Variants in ZPLD1 observed in about 807,000 individuals in gnomAD.
ZPLD1 encodes zona pellucida like domain containing 1.
Under a neutral mutation model 47.2 loss-of-function variants are expected in ZPLD1, and 34 were observed. That is an observed-to-expected ratio of 0.72 (90% CI 0.55 to 0.96). The LOEUF (loss-of-function observed/expected upper bound fraction) is 0.96, where lower values mean the gene tolerates loss of function less well. ZPLD1 is among the 40% of genes least tolerant of loss of function. The pLI is 0.00. For missense variants in ZPLD1, 512 were observed against 505.8 expected (o/e 1.01, Z -0.12); for synonymous variants, 176 against 186.2 (o/e 0.95, Z 0.45).
At chr3:102,405,500 T>C (rs567561034) in intron 7 of ZPLD1, among the ~76,000 whole-genome samples, 36 of 152,110 alleles carry the variant, frequency 2.4e-4, no homozygotes, top group African/African-American at 8.4e-4. Context: ...CTTGAGGTCA[T>C]GTGGTATAAG....
intron 7 of ZPLD1, chr3:102,418,038 T>G (rs1706830069): frequency 6.6e-6 from 1 of 152,188 alleles, no homozygotes. Flanking sequence ...AATTCAGTTT[T>G]TTCTTTCTTT....
At chr3:102,469,562 A>G (rs1271858417) in intron 9 of ZPLD1, among the ~76,000 whole-genome samples, 1 of 152,230 alleles carries the variant, frequency 6.6e-6, no homozygotes, top group Non-Finnish European at 1.5e-5. Flanking sequence ...CAGAGAACCA[A>G]AATCAAGAGT....
intron 3 of ZPLD1, among the ~76,000 whole-genome samples, chr3:102,439,404 G>A (rs1707141390): frequency 6.6e-6 from 1 of 152,174 alleles, no homozygotes; most frequent in Non-Finnish European, 1.5e-5. Context: ...TTCTACAACA[G>A]AGCCCACATC....
intron 7 of ZPLD1, among the ~76,000 whole-genome samples, chr3:102,401,321 C>T (rs929342003): frequency 6.6e-6 from 1 of 152,052 alleles, no homozygotes; most frequent in Non-Finnish European, 1.5e-5. Flanking sequence ...TAGATGCAGT[C>T]CTTACTGATA....
chr3:102,435,937 T>C (rs1707084752), intron 1 of ZPLD1, among the ~76,000 whole-genome samples: 1 of 152,236 alleles, frequency 6.6e-6, no homozygotes. Context: ...CCACCACGCC[T>C]GGCCATTATC....
At chr3:102,398,869 C>T (rs529062024) in intron 7 of ZPLD1, among the ~76,000 whole-genome samples, 8 of 147,226 alleles carry the variant, frequency 5.4e-5, no homozygotes, top group East Asian at 1.9e-4. Flanking sequence ...TGCTTTTATG[C>T]GTGCGCACGC....
At chr3:102,427,478 A>G (rs879856114) in intron 8 of ZPLD1, among the ~76,000 whole-genome samples, 2 of 152,188 alleles carry the variant, frequency 1.3e-5, no homozygotes, top group African/African-American at 4.8e-5. Context: ...AAGACAATGG[A>G]AGATCTCTAA....
At chr3:102,447,070 CT>C (rs1553711846) in intron 3 of ZPLD1, among the ~76,000 whole-genome samples, 4 of 151,326 alleles carry the variant, frequency 2.6e-5, no homozygotes, top group African/African-American at 7.3e-5. Context: ...TGCATCTCAT[CT>C]TTTTTTTTCC....
At chr3:102,444,427 A>G (rs1461300346) in intron 3 of ZPLD1, among the ~76,000 whole-genome samples, 1 of 152,228 alleles carries the variant, frequency 6.6e-6, no homozygotes, top group Non-Finnish European at 1.5e-5. Flanking sequence ...TTTCGTGTAG[A>G]TGAAATATCA....
At chr3:102,416,332 T>G (rs1045306241) in intron 7 of ZPLD1, among the ~76,000 whole-genome samples, 5 of 151,978 alleles carry the variant, frequency 3.3e-5, no homozygotes, top group Non-Finnish European at 7.4e-5. Flanking sequence ...GTATTCAATA[T>G]TTATGAAATG....
intron 5 of ZPLD1, among the ~76,000 whole-genome samples, chr3:102,457,013 C>A (rs1707427565): frequency 6.6e-6 from 1 of 152,290 alleles, no homozygotes; most frequent in Admixed American, 6.5e-5. Context: ...GAGGGCTATG[C>A]CCACATTAAA....
chr3:102,387,146 T>G (rs1706433083), intron 6 of ZPLD1, among the ~76,000 whole-genome samples: 1 of 152,196 alleles, frequency 6.6e-6, no homozygotes. Flanking sequence ...AACTGTGAGC[T>G]GGGTCTCTTG....
chr3:102,444,048 T>A (rs928708788), intron 3 of ZPLD1, among the ~76,000 whole-genome samples: 1 of 152,254 alleles, frequency 6.6e-6, no homozygotes, highest in Non-Finnish European at 1.5e-5. Context: ...GTGGAGAAGA[T>A]AGCAATTAGC....
At position 102,435,155 on chromosome 3, in the gene ZPLD1, G is replaced by T. The variant is rs1559750257; in HGVS notation, c.-123+1G>T. On this transcript the variant is annotated splice_donor_variant, in intron 1 of 11. Transcript: ENST00000466937. LOFTEE classifies it low-confidence loss of function (5UTR_SPLICE). ...TCCATGTGCAGGGGAAATGATGAAG[G>T]TAAGGTTGAGGATGGGAAATTTGCA... The T allele has an allele frequency of 1.2e-6, 2 of 1,614,162 alleles. No homozygotes were observed. Among genetic ancestry groups the T allele is most frequent in the South Asian group, 1.1e-5 (1 of 91,086 alleles).
intron 3 of ZPLD1, 72 bp from the exon 4 acceptor site, chr3:102,452,847 A>T: frequency 6.7e-7 from 1 of 1,483,348 alleles, no homozygotes; most frequent in Middle Eastern, 2.0e-4. Flanking sequence ...TAAATATATC[A>T]GTAGGATGTT....
At chr3:102,435,281 A>T (rs745848453) in intron 1 of ZPLD1, 127 bp downstream of exon 1, 43 of 1,003,342 alleles carry the variant, frequency 4.3e-5, no homozygotes, top group Non-Finnish European at 6.2e-5. Context: ...CAAAATAGGG[A>T]TACTGCCTTT....
Position 102,469,136 on chromosome 3 carries a change from G to C in ZPLD1, c.933+1G>C. 1 of 1,604,864 alleles carries C rather than the reference G, an allele frequency of 6.2e-7. No homozygotes were observed. Among genetic ancestry groups the C allele is most frequent in the Non-Finnish European group, 8.5e-7 (1 of 1,176,900 alleles). ...AGATGACTGCCCCTTCCTTATGCCG[G>C]TATGTTTTTAAGGAACTTCATTTTA... is the stretch of plus-strand genomic sequence containing the variant. On this transcript the variant is annotated splice_donor_variant, in intron 9 of 11. Transcript: ENST00000466937. LOFTEE classifies it high-confidence loss of function.
At chr3:102,417,086 C>T (rs1706817481) in intron 7 of ZPLD1, among the ~76,000 whole-genome samples, 1 of 151,898 alleles carries the variant, frequency 6.6e-6, no homozygotes, top group Non-Finnish European at 1.5e-5. Context: ...TTGCCTCTAT[C>T]CCAGAGGTAA....
chr3:102,404,685 C>T (rs1005545682), intron 7 of ZPLD1, among the ~76,000 whole-genome samples: 6 of 151,908 alleles, frequency 3.9e-5, no homozygotes, highest in Admixed American at 1.3e-4. Context: ...AAGTAGAGGC[C>T]AGAGCCAATG....
Sources: gnomAD v4.1 joint callset for allele counts (sites outside exome capture counted in the v4.1 genomes callset) on GRCh38, gnomAD v4.1.1 for gene constraint, MANE v1.5 for transcripts, NCBI Gene and HGNC (gene_info 2026-07-23, HGNC 2026-07-21) for gene names.